ATP2B2: variants seen among roughly 807,000 people sequenced by gnomAD.
ATP2B2 encodes plasma membrane calcium-transporting ATPase 2.
A neutral mutation model predicts 120.0 loss-of-function variants in ATP2B2; 15 were observed. The ratio of observed to expected loss-of-function variants is 0.12; its 90% confidence interval spans 0.08 to 0.19. ATP2B2 has a LOEUF of 0.19. Among genes scored for constraint, ATP2B2 ranks in the 10% least tolerant of loss-of-function variants. The pLI is 1.00. For missense variants in ATP2B2, 1,045 were observed against 1,719.8 expected, an observed-to-expected ratio of 0.61 and a Z score of 6.94; for synonymous variants, 694 against 700.3, an observed-to-expected ratio of 0.99 and a Z score of 0.14.
rs756094148 is a variant in ATP2B2, at chr3:10,358,840, G to C, written c.1987C>G (p.Pro663Ala). 2.5e-6 allele frequency: 4 copies of C among 1,614,222 alleles called. No homozygotes were observed. Among genetic ancestry groups the C allele is most frequent in the Middle Eastern group, 1.6e-4 (1 of 6,062 alleles). ...RDEMVKKVIE[P>A]MACDGLRTIC... ...GTGCGGAGCCCATCGCAAGCCATGG[G>C]CTCAATCACCTTCTTTACCATCTCG... The change falls in exon 14 of 23, where the codon CCC (proline) becomes GCC (alanine). Residue 663 changes from proline (P) to alanine (A), a missense_variant. Coordinates refer to ENST00000360273, the MANE Select transcript of ATP2B2 (RefSeq NM_001001331.4).
intron 1 of ATP2B2, among the ~76,000 whole-genome samples, chr3:10,496,840 A>C (rs1288544974): frequency 6.6e-6 from 1 of 151,484 alleles, no homozygotes; most frequent in African/African-American, 2.4e-5. Flanking sequence ...GGTCACTTGA[A>C]GTGCTTGTCA....
intron 1 of ATP2B2, among the ~76,000 whole-genome samples, chr3:10,468,727 C>T (rs886774348): frequency 2.7e-4 from 41 of 152,316 alleles, no homozygotes; most frequent in Admixed American, 2.4e-3. Flanking sequence ...GCCAGTGAGG[C>T]GCTGAAGGAG....
rs2060231907 is a variant in ATP2B2, at chr3:10,340,110, TCAGA to T, written c.3237+128_3237+131del. ...TAGGACCTGGGACAAACCCCCTTGC[TCAGA>T]TGTCCAGAGATAGGGAGGAGCTTGC... On this transcript the variant is annotated intron_variant, in intron 21 of 22. Coordinates refer to ENST00000360273, the MANE Select transcript of ATP2B2 (RefSeq NM_001001331.4). The surrounding 1 kb of genome is among the most constrained non-coding windows in gnomAD (Gnocchi z 5.0). 2 of 845,292 alleles carry T rather than the reference TCAGA, an allele frequency of 2.4e-6. No individual in the cohort carries two copies. Among genetic ancestry groups the T allele is most frequent in the Non-Finnish European group, 3.9e-6 (2 of 515,946 alleles). The allele number at this position is 845,292 out of a possible 1,614,324, so 52.4% of individuals were successfully genotyped here.
At chr3:10,608,534 C>G (rs2069144199) in intron 2 of ATP2B2, among the ~76,000 whole-genome samples, 1 of 152,268 alleles carries the variant, frequency 6.6e-6, no homozygotes, top group African/African-American at 2.4e-5. Flanking sequence ...TCAGTTTCCT[C>G]TGCTGGCTCT....
intron 1 of ATP2B2, among the ~76,000 whole-genome samples, chr3:10,674,052 C>T (rs1033107452): frequency 5.9e-5 from 9 of 151,796 alleles, no homozygotes; most frequent in African/African-American, 9.7e-5. Flanking sequence ...GTTTCAAATC[C>T]CTGCTGTCCT....
At chr3:10,471,649 A>G (rs1309554253) in intron 1 of ATP2B2, among the ~76,000 whole-genome samples, 1 of 152,084 alleles carries the variant, frequency 6.6e-6, no homozygotes, top group Non-Finnish European at 1.5e-5. Flanking sequence ...CGATATTACC[A>G]TAAAAAATGA....
chr3:10,344,403 G>T (rs1299954413), intron 18 of ATP2B2, among the ~76,000 whole-genome samples: 1 of 152,230 alleles, frequency 6.6e-6, no homozygotes. Flanking sequence ...CCCTCCCAAG[G>T]CTCCGATTCT....
chr3:10,415,976 CCCTCGGAGACTCAGTTTTCTCATT>C (rs1243359743), intron 2 of ATP2B2, among the ~76,000 whole-genome samples: 2 of 152,150 alleles, frequency 1.3e-5, no homozygotes, highest in Admixed American at 1.3e-4. Context: ...CCAGTTTCAC[CCCTCGGAGACTCAGTTTTCTCATT>C]CATAAAATGG....
chr3:10,627,309 T>C (rs2069731246), intron 1 of ATP2B2, among the ~76,000 whole-genome samples: 2 of 152,240 alleles, frequency 1.3e-5, no homozygotes, highest in Non-Finnish European at 2.9e-5. Context: ...GCTCTGCCTT[T>C]GGGACCAGCT....
At chr3:10,642,378 G>A (rs2070196892) in intron 1 of ATP2B2, among the ~76,000 whole-genome samples, 1 of 152,170 alleles carries the variant, frequency 6.6e-6, no homozygotes, top group South Asian at 2.1e-4. Context: ...CCCAGCCAGG[G>A]GCTAGGCACT....
intron 14 of ATP2B2, among the ~76,000 whole-genome samples, chr3:10,356,113 A>AG (rs2060719045): frequency 4.4e-5 from 1 of 22,716 alleles, no homozygotes; most frequent in Non-Finnish European, 8.1e-5. Flanking sequence ...AAAAAAAAAA[A>AG]AAAAAAAAAG....
At chr3:10,678,245 T>C (rs531231331) in intron 1 of ATP2B2, among the ~76,000 whole-genome samples, 1 of 152,354 alleles carries the variant, frequency 6.6e-6, no homozygotes, top group East Asian at 1.9e-4. Flanking sequence ...TAATAAAATG[T>C]TTAATAAAGG....
intron 2 of ATP2B2, among the ~76,000 whole-genome samples, chr3:10,618,109 T>C (rs1184054195): frequency 6.6e-6 from 1 of 152,196 alleles, no homozygotes; most frequent in Non-Finnish European, 1.5e-5. Flanking sequence ...TTATCCATTG[T>C]CCAGTCTTTT....
At chr3:10,655,561 G>A (rs79686943) in intron 1 of ATP2B2, among the ~76,000 whole-genome samples, 12,805 of 152,228 alleles carry the variant, frequency 0.084, 777 homozygotes, top group African/African-American at 0.17. Context: ...CTGGCAATTA[G>A]TAGAAATGCC....
intron 1 of ATP2B2, among the ~76,000 whole-genome samples, chr3:10,632,402 G>A (rs2069891718): frequency 6.6e-6 from 1 of 152,216 alleles, no homozygotes; most frequent in African/African-American, 2.4e-5. Flanking sequence ...GGGCAGGCCA[G>A]TATCCTCTAT....
chr3:10,468,353 C>T (rs571984929), intron 1 of ATP2B2, among the ~76,000 whole-genome samples: 2 of 152,334 alleles, frequency 1.3e-5, no homozygotes, highest in African/African-American at 4.8e-5. Flanking sequence ...AGATGGCAGC[C>T]CCTTCCTGTT....
At chr3:10,687,395 G>A (rs1217064409) in intron 1 of ATP2B2, among the ~76,000 whole-genome samples, 1 of 152,088 alleles carries the variant, frequency 6.6e-6, no homozygotes, top group African/African-American at 2.4e-5. Context: ...TTTGATGCTT[G>A]ATTTTCAAAA....
At chr3:10,683,174 T>A (rs917192060) in intron 1 of ATP2B2, among the ~76,000 whole-genome samples, 24 of 150,068 alleles carry the variant, frequency 1.6e-4, no homozygotes, top group Non-Finnish European at 2.8e-4. Flanking sequence ...TTTTTTTTTT[T>A]ATTTTACTGA....
chr3:10,499,111 T>C (rs1241141913), intron 1 of ATP2B2, among the ~76,000 whole-genome samples: 3 of 152,236 alleles, frequency 2.0e-5, no homozygotes, highest in African/African-American at 4.8e-5. Flanking sequence ...TATACTCAAA[T>C]CTTTCTGATG....
Sources: allele counts gnomAD v4.1 joint callset (sites outside exome capture counted in the v4.1 genomes callset), GRCh38; gene constraint gnomAD v4.1.1; non-coding constraint Gnocchi (gnomAD v3.1); transcripts MANE v1.5; gene names NCBI Gene and HGNC (gene_info 2026-07-23, HGNC 2026-07-21).